RGL4: variants seen among roughly 807,000 people sequenced by gnomAD.
The protein encoded by RGL4 is ral guanine nucleotide dissociation stimulator like 4.
Under a neutral mutation model 49.6 loss-of-function variants are expected in RGL4, and 41 were observed. That is an observed-to-expected ratio of 0.83 (90% CI 0.64 to 1.07). RGL4 has a LOEUF of 1.07. RGL4 is among the 50% of genes least tolerant of loss of function. RGL4 has a pLI of 0.00. For missense variants in RGL4, 610 were observed against 591.9 expected (o/e 1.03, Z -0.32); for synonymous variants, 255 against 238.0 (o/e 1.07, Z -0.66).
At chr22:23,698,639 G>C (rs767784591) in intron 10 of RGL4, 8 of 748,758 alleles carry the variant, frequency 1.1e-5, no homozygotes, top group Non-Finnish European at 6.9e-6. Flanking sequence ...AAGTACTGAC[G>C]TTACAGGTGT....
At chr22:23,694,892 A>C in intron 5 of RGL4, 58 bp from the exon 6 acceptor site, 1 of 1,332,078 alleles carries the variant, frequency 7.5e-7, no homozygotes, top group Non-Finnish European at 1.1e-6. Context: ...AAGGGACTGG[A>C]ACTCACAAAT....
intron 3 of RGL4, chr22:23,693,206 C>T: frequency 1.2e-6 from 1 of 824,266 alleles, no homozygotes; most frequent in Non-Finnish European, 1.8e-6. Flanking sequence ...AGTGACTGTG[C>T]AGACTGAGTG....
At chr22:23,697,763 T>G in intron 8 of RGL4, 75 bp from the exon 9 acceptor site, 1 of 1,512,540 alleles carries the variant, frequency 6.6e-7, no homozygotes, top group South Asian at 1.2e-5. Flanking sequence ...CTGGCAGTAG[T>G]GCAGCATGGG....
chr22:23,697,364 C>T (rs1047293015), intron 8 of RGL4, 119 bp downstream of exon 8: 21 of 760,962 alleles, frequency 2.8e-5, no homozygotes, highest in Non-Finnish European at 4.4e-5. Flanking sequence ...AAGAGCCTCA[C>T]AGCTGCTCCT....
intron 4 of RGL4, 127 bp from the exon 5 acceptor site, chr22:23,694,220 G>C (rs570053388): frequency 2.3e-4 from 184 of 809,958 alleles, no homozygotes; most frequent in African/African-American, 1.9e-3. Context: ...CTCGGCCCCA[G>C]GTCTGCCCTC....
rs1923560212 is a variant in RGL4, at chr22:23,697,145, C to T, written c.1162-26C>T. ...CAATACTCATCACCACTACCCCTCC[C>T]ACCTCCCCACCCCTCCTTGGCACAG... On this transcript the variant is annotated intron_variant, in intron 7 of 10. Coordinates refer to ENST00000290691, the MANE Select transcript of RGL4 (RefSeq NM_153615.2). 1.9e-6 allele frequency: 3 copies of T among 1,576,906 alleles called. No homozygotes were observed. The African/African-American group carries it at 4.0e-5, about 21-fold the overall frequency.
chr22:23,695,837 G>A (rs969625236), intron 6 of RGL4, among the ~76,000 whole-genome samples: 4 of 152,224 alleles, frequency 2.6e-5, no homozygotes, highest in Non-Finnish European at 5.9e-5. Flanking sequence ...TGCCATTGCA[G>A]TCAGAGATGG....
At position 23,699,027 on chromosome 22, in the gene RGL4, C is replaced by T; in HGVS notation, c.*144C>T. On this transcript the variant is annotated 3_prime_UTR_variant, in exon 11 of 11. Transcript: ENST00000290691. ...TCAGCTGCATCTTGCCCTGGATCCT[C>T]ATCACCAACTGCTCCTGCTGGCCAG... is the stretch of plus-strand genomic sequence containing the variant. 6.5e-7 allele frequency: 1 copy of T among 1,548,984 alleles called. No homozygotes were observed. The highest frequency in any genetic ancestry group is 8.7e-7 in the Non-Finnish European group (1 of 1,146,866).
intron 8 of RGL4, 83 bp from the exon 9 acceptor site, chr22:23,697,755 G>T: frequency 6.9e-7 from 1 of 1,454,668 alleles, no homozygotes; most frequent in Non-Finnish European, 9.5e-7. Flanking sequence ...TGGTGGCCCT[G>T]GCAGTAGTGC....
intron 6 of RGL4, chr22:23,695,477 G>C (rs1923431659): frequency 1.7e-6 from 1 of 590,060 alleles, no homozygotes; most frequent in Non-Finnish European, 2.8e-6. Flanking sequence ...TGCTGCTGCT[G>C]TCTGCAGCAC....
Position 23,697,009 on chromosome 22 carries a change from G to C in RGL4, c.1162-162G>C, listed in dbSNP as rs181719568. ...ATACAGGAGGCAGAGAATTGGGAAA[G>C]GCAGCTGAGGGTCTTTGGCTGCTCC... On this transcript the variant is annotated intron_variant, in intron 7 of 10. Transcript: ENST00000290691. Among the ~76,000 whole-genome samples the C allele has an allele frequency of 2.0e-5, 3 of 152,340 alleles. 1 individual carries two copies. The East Asian group carries it at 5.8e-4, about 29-fold the overall frequency.
At chr22:23,696,132 C>A (rs1046529485) in intron 6 of RGL4, among the ~76,000 whole-genome samples, 1 of 152,156 alleles carries the variant, frequency 6.6e-6, no homozygotes, top group Non-Finnish European at 1.5e-5. Flanking sequence ...TGAAGGCAGC[C>A]GAGACGGAGC....
At chr22:23,694,219 A>C in intron 4 of RGL4, 128 bp from the exon 5 acceptor site, 1 of 799,028 alleles carries the variant, frequency 1.3e-6, no homozygotes, top group African/African-American at 1.7e-5. Context: ...ACTCGGCCCC[A>C]GGTCTGCCCT....
At chr22:23,696,435 C>T in intron 6 of RGL4, 179 bp from the exon 7 acceptor site, 10 of 1,536,996 alleles carry the variant, frequency 6.5e-6, no homozygotes, top group Non-Finnish European at 8.8e-6. Flanking sequence ...GAAACAGTCT[C>T]AGGGAGGCCC....
At chr22:23,696,512 G>A (rs755375716) in intron 6 of RGL4, 102 bp from the exon 7 acceptor site, 1 of 1,587,862 alleles carries the variant, frequency 6.3e-7, no homozygotes, top group East Asian at 2.3e-5. Context: ...CACGGTGCCA[G>A]GTGGCTCCCG....
In RGL4 at chr22:23,694,461, C is replaced by G. The variant is rs773676071; in HGVS notation, c.1016+11C>G. On this transcript the variant is annotated intron_variant, in intron 5 of 10. Coordinates refer to ENST00000290691, the MANE Select transcript of RGL4 (RefSeq NM_153615.2). ...GGCAGGAGTGTCCAGGTGAGGAGGG[C>G]TCTCTCCATGGCAGCATCAGGGTTG... 1.3e-6 allele frequency: 2 copies of G among 1,582,024 alleles called. No individual in the cohort carries two copies. The highest frequency in any genetic ancestry group is 1.7e-6 in the Non-Finnish European group (2 of 1,151,564).
intron 6 of RGL4, chr22:23,695,485 C>A: frequency 1.8e-6 from 1 of 556,434 alleles, no homozygotes; most frequent in Non-Finnish European, 3.1e-6. Flanking sequence ...CTGTCTGCAG[C>A]ACACCTCCAT....
intron 8 of RGL4, among the ~76,000 whole-genome samples, chr22:23,697,618 G>A (rs187922769): frequency 6.6e-6 from 1 of 152,334 alleles, no homozygotes; most frequent in African/African-American, 2.4e-5. Context: ...AGAGACCTCA[G>A]TTTCCCTGTC....
At position 23,692,662 on chromosome 22, in the gene RGL4, T is replaced by C; in HGVS notation, c.374-7T>C. The C allele has an allele frequency of 6.3e-7, 1 of 1,585,150 alleles. No individual in the cohort carries two copies. Among genetic ancestry groups the C allele is most frequent in the Admixed American group, 1.7e-5 (1 of 57,628 alleles). On this transcript the variant is annotated splice_region_variant and splice_polypyrimidine_tract_variant and intron_variant, in intron 2 of 10. Transcript: ENST00000290691. ...GACTGGTGTGGTGACCTTTTCTCCT[T>C]TTCCAGATCCTGCTCCACGTCCTGG...
Sources: allele counts gnomAD v4.1 joint callset (sites outside exome capture counted in the v4.1 genomes callset), GRCh38; gene constraint gnomAD v4.1.1; transcripts MANE v1.5; gene names NCBI Gene and HGNC (gene_info 2026-07-23, HGNC 2026-07-21).